Variants in PHF24 observed in about 807,000 individuals in gnomAD.
PHF24 encodes the protein Galpha inhibitory interacting protein.
In PHF24, 25 loss-of-function variants were observed where a neutral mutation model predicts 42.6. That is an observed-to-expected ratio of 0.59 (90% CI 0.43 to 0.82). PHF24 has a LOEUF of 0.82. Ranked by LOEUF, PHF24 falls within the 40% of genes least tolerant of loss-of-function variation. The probability of loss-of-function intolerance (pLI) is 0.00; values close to 1 mark genes in which losing one functional copy is unlikely to be tolerated. For missense variants in PHF24, 470 were observed against 538.1 expected, an observed-to-expected ratio of 0.87 and a Z score of 1.25; for synonymous variants, 185 against 204.8, an observed-to-expected ratio of 0.90 and a Z score of 0.83.
the PHF24 span, chr9:34,725,493 AGAG>A: frequency 1.6e-6 from 2 of 1,283,026 alleles, no homozygotes; most frequent in Non-Finnish European, 2.2e-6. Context: ...TCCGGGAAGA[AGAG>A]TAGTTCCCTG....
At chr9:34,837,202 G>A in the PHF24 span, 1 of 454,540 alleles carries the variant, frequency 2.2e-6, no homozygotes. Context: ...GAGGTTGGAG[G>A]CCTTTGACTC....
chr9:34,720,470 AAC>A, the PHF24 span, among the ~76,000 whole-genome samples: 2 of 151,240 alleles, frequency 1.3e-5, no homozygotes, highest in East Asian at 2.0e-4. Context: ...AACAAAACAA[AAC>A]AAAAAACATG....
chr9:34,806,942 G>T, the PHF24 span, among the ~76,000 whole-genome samples: 6 of 152,158 alleles, frequency 3.9e-5, no homozygotes, highest in African/African-American at 1.4e-4. Flanking sequence ...CTAACAGGTT[G>T]TTTAAGTGGA....
At chr9:34,839,085 T>C in the PHF24 span, among the ~76,000 whole-genome samples, 1 of 152,226 alleles carries the variant, frequency 6.6e-6, no homozygotes, top group East Asian at 1.9e-4. Flanking sequence ...TGGCCGTATC[T>C]ATCCAGTCTG....
At chr9:34,712,777 T>G in the PHF24 span, among the ~76,000 whole-genome samples, 1 of 152,286 alleles carries the variant, frequency 6.6e-6, no homozygotes, top group East Asian at 1.9e-4. Context: ...CAATTTAATT[T>G]GAGGTCATAA....
chr9:34,674,946 AACC>A, the PHF24 span, among the ~76,000 whole-genome samples: 1 of 152,008 alleles, frequency 6.6e-6, no homozygotes, highest in Non-Finnish European at 1.5e-5. Context: ...GGCTCACTGT[AACC>A]ACCACTGGGC....
At chr9:34,822,380 TTGTCTTTTTAAAATAGA>T in the PHF24 span, among the ~76,000 whole-genome samples, 2 of 152,244 alleles carry the variant, frequency 1.3e-5, no homozygotes, top group Admixed American at 1.3e-4. Context: ...TATTTCACCT[TTGTCTTTTTAAAATAGA>T]GATAGAATTC....
At chr9:34,870,983 A>G in the PHF24 span, among the ~76,000 whole-genome samples, 27 of 152,332 alleles carry the variant, frequency 1.8e-4, no homozygotes, top group African/African-American at 6.0e-4. Flanking sequence ...CACTTGCTGG[A>G]TCATATGGCA....
the PHF24 span, among the ~76,000 whole-genome samples, chr9:34,760,197 C>T: frequency 6.6e-6 from 1 of 152,162 alleles, no homozygotes; most frequent in Non-Finnish European, 1.5e-5. Flanking sequence ...TGCTTTAAGC[C>T]AGACTCTGCT....
chr9:34,827,635 A>T, the PHF24 span, among the ~76,000 whole-genome samples: 1 of 152,116 alleles, frequency 6.6e-6, no homozygotes, highest in South Asian at 2.1e-4. Flanking sequence ...AACATGTCAT[A>T]AAGAAGTCAC....
At chr9:34,978,844 G>A (rs1827297146) in exon 8 of PHF24, 1 of 152,114 alleles carries the variant, frequency 6.6e-6, no homozygotes, top group African/African-American at 2.4e-5. Flanking sequence ...CCAGGGACTC[G>A]GGATTCTAGG....
the PHF24 span, among the ~76,000 whole-genome samples, chr9:34,739,393 TCC>T: frequency 6.6e-6 from 1 of 152,164 alleles, no homozygotes; most frequent in African/African-American, 2.4e-5. Flanking sequence ...ATCCAGCAGT[TCC>T]CCTTCTGGGA....
the PHF24 span, among the ~76,000 whole-genome samples, chr9:34,903,980 C>G: frequency 6.6e-6 from 1 of 152,116 alleles, no homozygotes; most frequent in Non-Finnish European, 1.5e-5. Flanking sequence ...TGATTCTCCG[C>G]TTGGTCACTG....
the PHF24 span, among the ~76,000 whole-genome samples, chr9:34,680,265 C>G: frequency 5.3e-5 from 8 of 152,088 alleles, no homozygotes; most frequent in African/African-American, 1.9e-4. Context: ...GTCCCAGCTA[C>G]TTGGGAGGCT....
chr9:34,732,683 A>G, the PHF24 span, among the ~76,000 whole-genome samples: 2 of 152,194 alleles, frequency 1.3e-5, no homozygotes, highest in Non-Finnish European at 2.9e-5. Context: ...ATTGCTCCAC[A>G]AAGAAATCTT....
the PHF24 span, among the ~76,000 whole-genome samples, chr9:34,818,326 C>G: frequency 6.6e-6 from 1 of 151,970 alleles, no homozygotes; most frequent in African/African-American, 2.4e-5. Flanking sequence ...CTGTAGATGC[C>G]CTTTATCATG....
the PHF24 span, among the ~76,000 whole-genome samples, chr9:34,794,101 C>T: frequency 1.3e-5 from 2 of 152,066 alleles, no homozygotes; most frequent in African/African-American, 4.8e-5. Flanking sequence ...TACTCATGGG[C>T]TCACCTCCAA....
intron 1 of PHF24, among the ~76,000 whole-genome samples, chr9:34,962,762 C>A (rs1826636980): frequency 6.6e-6 from 1 of 152,232 alleles, no homozygotes; most frequent in Non-Finnish European, 1.5e-5. Flanking sequence ...TGTTCCTTAA[C>A]TGTTGCTCTG....
chr9:34,912,492 C>T, the PHF24 span, among the ~76,000 whole-genome samples: 1 of 152,130 alleles, frequency 6.6e-6, no homozygotes, highest in Admixed American at 6.5e-5. Flanking sequence ...CCATACTCAC[C>T]ACTAAGCTGT....
Sources: allele counts gnomAD v4.1 joint callset (sites outside exome capture counted in the v4.1 genomes callset), GRCh38; gene constraint gnomAD v4.1.1; transcripts MANE v1.5; gene names NCBI Gene and HGNC (gene_info 2026-07-23, HGNC 2026-07-21).